COL5A2: variants seen among roughly 807,000 people sequenced by gnomAD.
COL5A2 encodes the protein collagen alpha-2(V) chain.
A neutral mutation model predicts 208.2 loss-of-function variants in COL5A2; 23 were observed. That is an observed-to-expected ratio of 0.11 (90% confidence interval 0.08 to 0.16). COL5A2 has a LOEUF of 0.16. Among genes scored for constraint, COL5A2 ranks in the 10% least tolerant of loss-of-function variants. COL5A2 has a pLI of 1.00. For synonymous variants in COL5A2, 625 were observed against 628.5 expected, an observed-to-expected ratio of 0.99 and a Z score of 0.08; for missense variants, 1,590 against 1,956.4, an observed-to-expected ratio of 0.81 and a Z score of 3.53.
chr2:189,370,148 C>T, the COL5A2 span, among the ~76,000 whole-genome samples: 1 of 152,166 alleles, frequency 6.6e-6, no homozygotes, highest in African/African-American at 2.4e-5. Flanking sequence ...TCTAATTGTA[C>T]TTTTTTCTCT....
chr2:189,110,930 C>A (rs1318000387), intron 1 of COL5A2, among the ~76,000 whole-genome samples: 2 of 151,834 alleles, frequency 1.3e-5, no homozygotes, highest in Non-Finnish European at 2.9e-5. Flanking sequence ...TAGAAAAAAA[C>A]TTCAAAAAAG....
intron 17 of COL5A2, among the ~76,000 whole-genome samples, chr2:189,074,924 ATG>A (rs766767258): frequency 1.3e-5 from 2 of 152,160 alleles, no homozygotes; most frequent in Non-Finnish European, 2.9e-5. Flanking sequence ...TAATGTTCTT[ATG>A]TTTAAAATCC....
chr2:189,220,175 C>A (rs1231435642), intron 1 of COL5A2, among the ~76,000 whole-genome samples: 2 of 152,146 alleles, frequency 1.3e-5, no homozygotes, highest in Non-Finnish European at 2.9e-5. Flanking sequence ...ACCTGGACAA[C>A]AAGACTTTTC....
chr2:189,052,107 T>A (rs1685802224), intron 41 of COL5A2, 65 bp downstream of exon 41: 1 of 1,308,466 alleles, frequency 7.6e-7, no homozygotes, highest in African/African-American at 1.5e-5. Flanking sequence ...TAAATTTAAC[T>A]CAAATGTATA....
the COL5A2 span, among the ~76,000 whole-genome samples, chr2:189,412,097 A>G: frequency 2.0e-5 from 3 of 152,316 alleles, no homozygotes; most frequent in Middle Eastern, 3.4e-3. Flanking sequence ...AATTAAACTT[A>G]GGCATCATGC....
intron 33 of COL5A2, 51 bp from the exon 34 acceptor site, chr2:189,057,478 T>C: frequency 1.5e-6 from 2 of 1,374,944 alleles, no homozygotes; most frequent in Non-Finnish European, 2.1e-6. Flanking sequence ...AAGATTAAAC[T>C]AATGAAATTG....
At chr2:189,064,158 AT>A (rs1259665174) in intron 25 of COL5A2, 125 bp from the exon 26 acceptor site, 1 of 780,084 alleles carries the variant, frequency 1.3e-6, no homozygotes. Context: ...AATCAAATAA[AT>A]TTTTAAGTGA....
At chr2:189,424,735 C>T in the COL5A2 span, among the ~76,000 whole-genome samples, 1 of 152,090 alleles carries the variant, frequency 6.6e-6, no homozygotes, top group Non-Finnish European at 1.5e-5. Flanking sequence ...TTACAATGTC[C>T]ACACTACCCA....
At chr2:189,279,123 T>C in the COL5A2 span, among the ~76,000 whole-genome samples, 1 of 151,922 alleles carries the variant, frequency 6.6e-6, no homozygotes, top group Non-Finnish European at 1.5e-5. Flanking sequence ...TAATTTTATA[T>C]TTTAAAAATT....
chr2:189,330,369 A>G, the COL5A2 span, among the ~76,000 whole-genome samples: 1 of 152,202 alleles, frequency 6.6e-6, no homozygotes, highest in Non-Finnish European at 1.5e-5. Context: ...TAGGGTAGGT[A>G]GAGCAATGGC....
chr2:189,227,912 G>A (rs1689439396), upstream of COL5A2, among the ~76,000 whole-genome samples: 2 of 151,906 alleles, frequency 1.3e-5, no homozygotes. Context: ...CTTCTCTCCA[G>A]TATAGATCAC....
intron 1 of COL5A2, among the ~76,000 whole-genome samples, chr2:189,188,986 A>G (rs1688890565): frequency 6.6e-6 from 1 of 152,184 alleles, no homozygotes. Context: ...CAGTGAAATT[A>G]ATTCTGTTTT....
upstream of COL5A2, among the ~76,000 whole-genome samples, chr2:189,230,152 A>C (rs1689462407): frequency 6.6e-6 from 1 of 151,834 alleles, no homozygotes; most frequent in Admixed American, 6.6e-5. Flanking sequence ...ATGAAATTGG[A>C]CCTTTATCTA....
chr2:189,293,576 T>G, the COL5A2 span, among the ~76,000 whole-genome samples: 1 of 152,054 alleles, frequency 6.6e-6, no homozygotes, highest in African/African-American at 2.4e-5. Flanking sequence ...AAGAGGGAAT[T>G]AAGTCGTGAA....
the COL5A2 span, among the ~76,000 whole-genome samples, chr2:189,353,583 T>C: frequency 6.6e-6 from 1 of 152,200 alleles, no homozygotes; most frequent in African/African-American, 2.4e-5. Flanking sequence ...ATGATTTGGC[T>C]TTCTGTTTGT....
At position 189,089,588 on chromosome 2, in the gene COL5A2, C is replaced by T. The variant is rs140993633; in HGVS notation, c.568-816G>A. On this transcript the variant is annotated intron_variant, in intron 7 of 53. Transcript: ENST00000374866. ...GCATGCCTCATTTTACTGTGCTTTA[C>T]CAATATTATGTTTATTACAAATTCA... 5.8e-3 allele frequency among the ~76,000 whole-genome samples: 882 copies of T among 152,216 alleles called. 7 individuals carry two copies. The highest frequency in any genetic ancestry group is 6.0e-3 in the Non-Finnish European group (407 of 68,010).
intron 6 of COL5A2, among the ~76,000 whole-genome samples, chr2:189,094,591 A>T (rs1686862918): frequency 1.2e-5 from 1 of 84,130 alleles, no homozygotes; most frequent in African/African-American, 4.6e-5. Flanking sequence ...TCTCTCTGAC[A>T]CACACACACA....
the COL5A2 span, among the ~76,000 whole-genome samples, chr2:189,396,450 A>G: frequency 9.3e-3 from 1,297 of 139,904 alleles, 16 homozygotes; most frequent in African/African-American, 0.032. Flanking sequence ...GAGGCGGGTG[A>G]ATCACGAGGT....
At chr2:189,262,635 T>C in the COL5A2 span, among the ~76,000 whole-genome samples, 3 of 152,126 alleles carry the variant, frequency 2.0e-5, no homozygotes, top group Non-Finnish European at 4.4e-5. Context: ...TTTCAGAACA[T>C]ATAACTTACA....
Sources: allele counts gnomAD v4.1 joint callset (sites outside exome capture counted in the v4.1 genomes callset), GRCh38; gene constraint gnomAD v4.1.1; transcripts MANE v1.5; gene names NCBI Gene and HGNC (gene_info 2026-07-23, HGNC 2026-07-21).